Variants in ZFR observed in about 807,000 individuals in gnomAD.
The protein encoded by ZFR is zinc finger RNA-binding protein.
In ZFR, 19 loss-of-function variants were observed where a neutral mutation model predicts 130.7. The observed-to-expected ratio is 0.15, with a 90% CI of 0.10 to 0.21. The LOEUF (loss-of-function observed/expected upper bound fraction) is 0.21. ZFR is among the 10% of genes least tolerant of loss of function. The pLI, the probability that ZFR is intolerant of heterozygous loss-of-function variation, is 1.00. For synonymous variants in ZFR, 466 were observed against 456.9 expected (o/e 1.02, Z -0.25); for missense variants, 872 against 1,321.5 (o/e 0.66, Z 5.27).
chr5:32,363,798 A>T, intron 19 of ZFR, 150 bp downstream of exon 19: 1 of 562,176 alleles, frequency 1.8e-6, no homozygotes, highest in Non-Finnish European at 2.9e-6. Context: ...TGGGCAAGCT[A>T]TTTTAATATC....
chr5:32,403,071 CAG>C (rs745645988), intron 8 of ZFR, 33 bp downstream of exon 8: 79 of 1,590,094 alleles, frequency 5.0e-5, no homozygotes, highest in Non-Finnish European at 6.7e-5. Flanking sequence ...AACACTTTGA[CAG>C]AGTCAGCAGG....
intron 1 of ZFR, 142 bp downstream of exon 1, chr5:32,444,480 C>CCTCGCACTCCCTCACTCA (rs1754559094): frequency 7.8e-6 from 10 of 1,285,540 alleles, no homozygotes. Flanking sequence ...CCCCCTCCCG[C>CCTCGCACTCCCTCACTCA]CTCGCACTCC....
At chr5:32,409,530 C>A (rs1753652170) in intron 5 of ZFR, among the ~76,000 whole-genome samples, 2 of 151,900 alleles carry the variant, frequency 1.3e-5, no homozygotes, top group African/African-American at 4.8e-5. Flanking sequence ...CTCAGCCTCC[C>A]AAGTAGCTGG....
intron 9 of ZFR, among the ~76,000 whole-genome samples, chr5:32,398,283 A>G (rs970487429): frequency 6.6e-5 from 10 of 152,360 alleles, no homozygotes; most frequent in Admixed American, 3.3e-4. Flanking sequence ...GAAAATGAAG[A>G]TAACGACGAA....
chr5:32,427,777 T>C (rs971253729), intron 2 of ZFR, among the ~76,000 whole-genome samples: 38 of 152,178 alleles, frequency 2.5e-4, no homozygotes, highest in African/African-American at 8.0e-4. Context: ...TACAGACATA[T>C]AGACCAATGA....
At chr5:32,397,185 T>C (rs1049299453) in intron 10 of ZFR, 34 bp downstream of exon 10, 1 of 1,567,274 alleles carries the variant, frequency 6.4e-7, no homozygotes, top group Non-Finnish European at 8.6e-7. Flanking sequence ...TTGTTTTTTG[T>C]TTTAAAGAAG....
chr5:32,391,115 T>C (rs1469101509), intron 11 of ZFR, among the ~76,000 whole-genome samples: 2 of 152,224 alleles, frequency 1.3e-5, no homozygotes, highest in Admixed American at 1.3e-4. Flanking sequence ...GTTTTAAATC[T>C]TGTGCAATTT....
Position 32,444,718 on chromosome 5 carries a change from C to G in ZFR, c.-60G>C, listed in dbSNP as rs1228990539. On this transcript the variant is annotated 5_prime_UTR_variant, in exon 1 of 20. Coordinates refer to ENST00000265069, the MANE Select transcript of ZFR (RefSeq NM_016107.5). ...CACCCGCTGCCTCCCTCCTCTGCCC[C>G]GCTCCTCCTCAGCGGAGAACAGACC... The G allele has an allele frequency of 2.7e-6, 4 of 1,495,530 alleles. No individual in the cohort carries two copies. The highest frequency in any genetic ancestry group is 3.6e-6 in the Non-Finnish European group (4 of 1,122,502). The allele number at this position is 1,495,530 out of a possible 1,614,324, so 92.6% of individuals were successfully genotyped here. A position where few individuals can be genotyped will look rare whatever the true frequency, so the allele number is the denominator to read the frequency against.
In ZFR at chr5:32,400,201, C is replaced by A; in HGVS notation, c.1519G>T (p.Gly507Cys). The change falls in exon 9 of 20, where the codon GGT becomes TGT. Residue 507 changes from glycine (G) to cysteine (C), a missense_variant and splice_region_variant. By Grantham distance (159) the Gly-to-Cys change is radical (BLOSUM62 -3). Transcript: ENST00000265069. The stretch of plus-strand genomic sequence containing the variant: ...TTTCCTGTTGACTGCAGCTTATTAC[C>A]ACCTAGAAAAGTATCAAAAAGTTAA... ...TSTPKINFVG[G>C]NKLQSTGNKA... 4 of 1,584,706 alleles carry A rather than the reference C, an allele frequency of 2.5e-6. No individual in the cohort carries two copies. Among genetic ancestry groups the A allele is most frequent in the Non-Finnish European group, 3.4e-6 (4 of 1,167,762 alleles).
intron 19 of ZFR, among the ~76,000 whole-genome samples, chr5:32,363,044 G>C (rs1257596824): frequency 6.6e-6 from 1 of 152,148 alleles, no homozygotes; most frequent in African/African-American, 2.4e-5. Flanking sequence ...GAGTCTGTAA[G>C]ATATCCATAA....
At chr5:32,385,793 T>A in intron 14 of ZFR, 144 bp from the exon 15 acceptor site, 1 of 734,104 alleles carries the variant, frequency 1.4e-6, no homozygotes, top group Non-Finnish European at 2.1e-6. Flanking sequence ...TAGGAAGCCC[T>A]GCCGTACATG....
chr5:32,381,101 T>C (rs981378032), intron 15 of ZFR, among the ~76,000 whole-genome samples: 9 of 152,080 alleles, frequency 5.9e-5, no homozygotes, highest in Non-Finnish European at 1.2e-4. Flanking sequence ...GAACAGCGAA[T>C]AGGAACTAGT....
At chr5:32,444,541 T>C in intron 1 of ZFR, 81 bp downstream of exon 1, 1 of 1,410,232 alleles carries the variant, frequency 7.1e-7, no homozygotes, top group Non-Finnish European at 9.3e-7. Flanking sequence ...CCCCGGAGCC[T>C]GCCCCAACCC....
chr5:32,383,747 G>A (rs776461224), intron 15 of ZFR: 1 of 456,578 alleles, frequency 2.2e-6, no homozygotes, highest in Non-Finnish European at 4.4e-6. Context: ...GCTGCAGTGA[G>A]AGAGAATACA....
At chr5:32,429,698 T>C (rs1754160053) in intron 2 of ZFR, among the ~76,000 whole-genome samples, 2 of 152,188 alleles carry the variant, frequency 1.3e-5, no homozygotes, top group Admixed American at 1.3e-4. Context: ...CTGACAGTGC[T>C]TCCAGGTCAC....
chr5:32,434,436 A>T (rs1361267699), intron 2 of ZFR, among the ~76,000 whole-genome samples: 1 of 152,214 alleles, frequency 6.6e-6, no homozygotes, highest in Non-Finnish European at 1.5e-5. Context: ...GCAGAGAATG[A>T]ACAATTTTGC....
At chr5:32,409,846 C>T (rs761304926) in intron 5 of ZFR, among the ~76,000 whole-genome samples, 7 of 152,124 alleles carry the variant, frequency 4.6e-5, no homozygotes, top group Non-Finnish European at 1.0e-4. Flanking sequence ...GGGATCCGCT[C>T]AAACCAGCTT....
At position 32,444,725 on chromosome 5, in the gene ZFR, C is replaced by T. The variant is rs2111890230; in HGVS notation, c.-67G>A. ...TGCCTCCCTCCTCTGCCCCGCTCCT[C>T]CTCAGCGGAGAACAGACCGCCGCCT... is the stretch of plus-strand genomic sequence containing the variant. On this transcript the variant is annotated 5_prime_UTR_variant, in exon 1 of 20. Coordinates refer to ENST00000265069, the MANE Select transcript of ZFR (RefSeq NM_016107.5). 2 of 1,492,608 alleles carry T rather than the reference C, an allele frequency of 1.3e-6. No homozygotes were observed. The highest frequency in any genetic ancestry group is 1.8e-6 in the Non-Finnish European group (2 of 1,121,052). 92.5% of individuals were successfully genotyped at this position (1,492,608 alleles called of 1,614,324 possible). A position where few individuals can be genotyped will look rare whatever the true frequency, so the allele number is the denominator to read the frequency against.
chr5:32,409,871 G>T (rs1451564533), intron 5 of ZFR, among the ~76,000 whole-genome samples: 1 of 151,960 alleles, frequency 6.6e-6, no homozygotes, highest in African/African-American at 2.4e-5. Flanking sequence ...AAGCGTGGTG[G>T]TGTGCCTGTA....
Sources: allele counts gnomAD v4.1 joint callset (sites outside exome capture counted in the v4.1 genomes callset), GRCh38; gene constraint gnomAD v4.1.1; transcripts MANE v1.5; gene names NCBI Gene and HGNC (gene_info 2026-07-23, HGNC 2026-07-21).